FLVCR2: variants seen among roughly 807,000 people sequenced by gnomAD.
The protein encoded by FLVCR2 is FLVCR choline and putative heme transporter 2, also known as choline/ethanolamine transporter FLVCR2.
In FLVCR2, 38 loss-of-function variants were observed where a neutral mutation model predicts 48.9. That is an observed-to-expected ratio of 0.78 (90% CI 0.60 to 1.02). The LOEUF (loss-of-function observed/expected upper bound fraction) is 1.02, where lower values mean the gene tolerates loss of function less well. FLVCR2 is among the 50% of genes least tolerant of loss of function. FLVCR2 has a pLI of 0.00. For missense variants in FLVCR2, 664 were observed against 663.3 expected (o/e 1.00, Z -0.01); for synonymous variants, 255 against 257.0 (o/e 0.99, Z 0.07).
intron 1 of FLVCR2, among the ~76,000 whole-genome samples, chr14:75,620,155 G>T (rs1889727495): frequency 6.6e-6 from 1 of 152,140 alleles, no homozygotes. Flanking sequence ...CTATGAAGAA[G>T]GTTGCATTTG....
Position 75,578,869 on chromosome 14 carries a change from T to C in FLVCR2, c.-104T>C, listed in dbSNP as rs758110677. 216 of 1,054,250 alleles carry C rather than the reference T, an allele frequency of 2.0e-4. No individual in the cohort carries two copies. Among genetic ancestry groups the C allele is most frequent in the Non-Finnish European group, 2.6e-4 (176 of 688,068 alleles). 65.3% of individuals were successfully genotyped at this position (1,054,250 alleles called of 1,614,324 possible). On this transcript the variant is annotated 5_prime_UTR_variant, in exon 1 of 10. Coordinates refer to ENST00000238667, the MANE Select transcript of FLVCR2 (RefSeq NM_017791.3). ...CCTCTAGTCTCTGTTTCTTCTGGAA[T>C]AGGCAAGTGTCCTTTCAACTCTAAG...
intron 1 of FLVCR2, among the ~76,000 whole-genome samples, chr14:75,587,004 C>G (rs1427059589): frequency 1.3e-5 from 2 of 152,092 alleles, no homozygotes; most frequent in African/African-American, 4.8e-5. Context: ...TTTCAGTTCT[C>G]CATGGGGTTT....
intron 5 of FLVCR2, among the ~76,000 whole-genome samples, chr14:75,636,997 G>A (rs917988197): frequency 2.6e-5 from 4 of 152,352 alleles, no homozygotes; most frequent in Admixed American, 6.5e-5. Flanking sequence ...CGTGAAGGGA[G>A]GAGGAAGCTC....
rs1890351371 is a variant in FLVCR2, at chr14:75,643,552, G to A, written c.1509+1654G>A. ...TTTAGTGTTTGAAGGATCTGTGTTG[G>A]CAGATAGATGATAATCTTTAGGTCT... On this transcript the variant is annotated intron_variant, in intron 9 of 9. Coordinates refer to ENST00000238667, the MANE Select transcript of FLVCR2 (RefSeq NM_017791.3). Among the ~76,000 whole-genome samples the A allele has an allele frequency of 2.0e-5, 3 of 152,328 alleles. 1 individual carries two copies. The South Asian group carries it at 6.2e-4, about 32-fold the overall frequency.
chr14:75,621,224 C>T (rs977227236), intron 1 of FLVCR2, among the ~76,000 whole-genome samples: 4 of 151,794 alleles, frequency 2.6e-5, no homozygotes, highest in South Asian at 2.1e-4. Context: ...CCATCCTGGC[C>T]GACATGGTGA....
At chr14:75,579,882 C>T (rs1241829324) in intron 1 of FLVCR2, among the ~76,000 whole-genome samples, 1 of 152,218 alleles carries the variant, frequency 6.6e-6, no homozygotes, top group Non-Finnish European at 1.5e-5. Flanking sequence ...CTAGAACATA[C>T]TATACCTTCG....
chr14:75,596,085 C>T (rs1161432070), intron 1 of FLVCR2: 21 of 1,123,382 alleles, frequency 1.9e-5, no homozygotes, highest in Non-Finnish European at 2.3e-5. Flanking sequence ...TAGTTTTTCC[C>T]AAATTTCTGT....
intron 1 of FLVCR2, among the ~76,000 whole-genome samples, chr14:75,594,718 T>C (rs1467843893): frequency 1.3e-5 from 2 of 148,434 alleles, no homozygotes; most frequent in African/African-American, 5.2e-5. Flanking sequence ...AATGACATTA[T>C]CACTTTTTTT....
intron 1 of FLVCR2, among the ~76,000 whole-genome samples, chr14:75,594,057 A>T (rs1888957910): frequency 6.6e-6 from 1 of 152,168 alleles, no homozygotes; most frequent in African/African-American, 2.4e-5. Context: ...CATCACTCTT[A>T]AGTTCTGTCT....
intron 3 of FLVCR2, chr14:75,632,655 C>A: frequency 1.4e-6 from 1 of 702,346 alleles, no homozygotes; most frequent in Non-Finnish European, 2.6e-6. Flanking sequence ...GCCCTGTCCA[C>A]AAGCTATGTG....
In FLVCR2 at chr14:75,641,389, G is replaced by A. The variant is rs540729672; in HGVS notation, c.1453+96G>A. 5.0e-5 allele frequency: 40 copies of A among 793,160 alleles called. No homozygotes were observed. In the African/African-American group the frequency reaches 6.7e-4, roughly 13 times the overall value. The allele number at this position is 793,160 out of a possible 1,614,324, so 49.1% of individuals were successfully genotyped here. On this transcript the variant is annotated intron_variant, in intron 8 of 9. Coordinates refer to ENST00000238667, the MANE Select transcript of FLVCR2 (RefSeq NM_017791.3). ...ACAGATAGGGAGTACGTACGTAGGG[G>A]GACAGATGGAAGGGTTTGTTGGGGA... is the stretch of plus-strand genomic sequence containing the variant.
chr14:75,625,991 G>C (rs533672654), intron 3 of FLVCR2, among the ~76,000 whole-genome samples: 1 of 151,794 alleles, frequency 6.6e-6, no homozygotes, highest in African/African-American at 2.4e-5. Flanking sequence ...TCATTCTTTT[G>C]CTTTTTTTCT....
At chr14:75,589,726 C>T (rs2140007836) in intron 1 of FLVCR2, among the ~76,000 whole-genome samples, 1 of 152,340 alleles carries the variant, frequency 6.6e-6, no homozygotes, top group South Asian at 2.1e-4. Flanking sequence ...TGGAAGCCAC[C>T]ATGGCACCAT....
intron 1 of FLVCR2, among the ~76,000 whole-genome samples, chr14:75,600,778 A>C (rs1326562291): frequency 6.6e-6 from 1 of 152,204 alleles, no homozygotes; most frequent in African/African-American, 2.4e-5. Context: ...TAACAGACTA[A>C]AAAAGTCACC....
intron 6 of FLVCR2, among the ~76,000 whole-genome samples, 181 bp downstream of exon 6, chr14:75,639,643 C>T (rs529729875): frequency 6.6e-6 from 1 of 152,258 alleles, no homozygotes; most frequent in Middle Eastern, 3.4e-3. Context: ...CCTGGGCTGT[C>T]TGTTCTTTTG....
intron 1 of FLVCR2, among the ~76,000 whole-genome samples, chr14:75,609,465 G>GT (rs1242455255): frequency 1.3e-5 from 2 of 152,320 alleles, no homozygotes; most frequent in South Asian, 2.1e-4. Context: ...GTGACTAATA[G>GT]TTTTTTTGGT....
At chr14:75,645,078 CAG>C (rs1411919161) in intron 9 of FLVCR2, among the ~76,000 whole-genome samples, 3 of 101,390 alleles carry the variant, frequency 3.0e-5, no homozygotes, top group Non-Finnish European at 6.2e-5. Flanking sequence ...GTGTGTGTGT[CAG>C]AGAGAGAGGG....
intron 1 of FLVCR2, among the ~76,000 whole-genome samples, chr14:75,606,780 C>T (rs541669955): frequency 6.6e-6 from 1 of 151,996 alleles, no homozygotes; most frequent in Non-Finnish European, 1.5e-5. Flanking sequence ...GGAAAAACCC[C>T]GTCTTTACAA....
intron 1 of FLVCR2, chr14:75,605,360 A>G: frequency 9.3e-7 from 1 of 1,073,284 alleles, no homozygotes; most frequent in South Asian, 1.9e-5. Flanking sequence ...ACCCAGTGGA[A>G]TATCTCCCCT....
Sources: gnomAD v4.1 joint callset for allele counts (sites outside exome capture counted in the v4.1 genomes callset) on GRCh38, gnomAD v4.1.1 for gene constraint, MANE v1.5 for transcripts, NCBI Gene and HGNC (gene_info 2026-07-23, HGNC 2026-07-21) for gene names.